DPP10: variants seen among roughly 807,000 people sequenced by gnomAD.
The protein encoded by DPP10 is inactive dipeptidyl peptidase 10.
Under a neutral mutation model 120.9 loss-of-function variants are expected in DPP10, and 33 were observed. That is an observed-to-expected ratio of 0.27 (90% CI 0.21 to 0.37). DPP10 has a LOEUF of 0.37. DPP10 is among the 10% of genes least tolerant of loss of function. DPP10 has a pLI of 1.00. For missense variants in DPP10, 816 were observed against 942.8 expected (o/e 0.87, Z 1.76); for synonymous variants, 337 against 326.1 (o/e 1.03, Z -0.36).
At chr2:115,544,084 C>T (rs1424018195) in intron 5 of DPP10, among the ~76,000 whole-genome samples, 2 of 150,986 alleles carry the variant, frequency 1.3e-5, no homozygotes, top group African/African-American at 4.9e-5. Flanking sequence ...CTCTCACATG[C>T]TTATTTTCTT....
intron 3 of DPP10, among the ~76,000 whole-genome samples, chr2:115,384,554 AAG>A (rs768259052): frequency 4.2e-5 from 3 of 70,960 alleles, no homozygotes; most frequent in Non-Finnish European, 6.8e-5. Context: ...AAGGAAGAAG[AAG>A]AGGAAGAAGA....
intron 2 of DPP10, among the ~76,000 whole-genome samples, chr2:115,342,949 A>C (rs2063522729): frequency 6.6e-6 from 1 of 152,240 alleles, no homozygotes; most frequent in African/African-American, 2.4e-5. Context: ...GAACCTTTTC[A>C]GAATAAAATC....
intron 1 of DPP10, among the ~76,000 whole-genome samples, chr2:114,921,135 C>T (rs947525896): frequency 1.3e-5 from 2 of 152,056 alleles, no homozygotes; most frequent in Non-Finnish European, 2.9e-5. Context: ...ACCAGGGCTT[C>T]GAACAAAGAA....
At chr2:114,614,825 C>A (rs902426266) in intron 1 of DPP10, among the ~76,000 whole-genome samples, 5 of 152,084 alleles carry the variant, frequency 3.3e-5, no homozygotes, top group African/African-American at 1.2e-4. Context: ...TATGAAATTC[C>A]TTAATGATAG....
At chr2:114,835,165 T>C (rs1687610714) in intron 1 of DPP10, 2 of 150,802 alleles carry the variant, frequency 1.3e-5, no homozygotes, top group East Asian at 1.9e-4. Flanking sequence ...ATAAGCCATA[T>C]CTACACACCT....
At chr2:115,496,075 A>C (rs2076381159) in intron 3 of DPP10, among the ~76,000 whole-genome samples, 1 of 152,156 alleles carries the variant, frequency 6.6e-6, no homozygotes, top group Non-Finnish European at 1.5e-5. Context: ...TCTGGTAGAT[A>C]ACTGTTAATC....
intron 1 of DPP10, among the ~76,000 whole-genome samples, chr2:114,775,292 C>A (rs1681627164): frequency 1.3e-5 from 2 of 152,140 alleles, no homozygotes; most frequent in Admixed American, 6.5e-5. Flanking sequence ...GGAGAATCTA[C>A]CTCCAGAGTG....
chr2:114,841,694 T>C lies in DPP10; in HGVS notation c.60+398856T>C, dbSNP rs115076301. 5.7e-3 allele frequency among the ~76,000 whole-genome samples: 868 copies of C among 152,166 alleles called. 7 individuals carry two copies. The highest frequency in any genetic ancestry group is 0.02 in the African/African-American group (810 of 41,538). On this transcript the variant is annotated intron_variant, in intron 1 of 25. Coordinates refer to ENST00000410059, the MANE Select transcript of DPP10 (RefSeq NM_020868.6). ...AGTTTTATGGTAGACAGATCTACCA[T>C]AAAGTTAAGAATCAAAGTGGAAACT... is the stretch of plus-strand genomic sequence containing the variant.
At chr2:114,929,267 C>G (rs1695883253) in intron 1 of DPP10, among the ~76,000 whole-genome samples, 1 of 152,112 alleles carries the variant, frequency 6.6e-6, no homozygotes, top group African/African-American at 2.4e-5. Context: ...GGTTCCACGT[C>G]CTGCTGCGCA....
chr2:115,756,422 T>C (rs1317871442), intron 11 of DPP10, among the ~76,000 whole-genome samples: 2 of 152,160 alleles, frequency 1.3e-5, no homozygotes, highest in East Asian at 3.8e-4. Flanking sequence ...TTTTTACATG[T>C]ATCAAAATAG....
chr2:115,724,435 C>G (rs1034402836), intron 7 of DPP10, among the ~76,000 whole-genome samples: 2 of 152,226 alleles, frequency 1.3e-5, no homozygotes, highest in Admixed American at 6.5e-5. Context: ...GCAACATTGA[C>G]TAACACATTG....
At chr2:115,092,407 A>G (rs2420590) in intron 1 of DPP10, among the ~76,000 whole-genome samples, 120,741 of 152,058 alleles carry the variant, frequency 0.79, 48,674 homozygotes, top group Non-Finnish European at 0.88. Context: ...TATCCAGCAT[A>G]AAATAGTGTT....
At chr2:115,304,123 G>A (rs760407948) in intron 1 of DPP10, among the ~76,000 whole-genome samples, 6 of 151,934 alleles carry the variant, frequency 3.9e-5, no homozygotes, top group Non-Finnish European at 8.8e-5. Flanking sequence ...AACACCATCA[G>A]TAAAATAAAA....
Position 115,739,765 on chromosome 2 carries a change from C to A in DPP10, c.724C>A (p.His242Asn), listed in dbSNP as rs138750698. ...GGAACTCCTGCATTCTCACATCGCCCACTGGTGGTCACCAGATGGAGAAAG... is the reference window on the plus strand; with the variant it reads ...GGAACTCCTGCATTCTCACATCGCCAACTGGTGGTCACCAGATGGAGAAAG... ...EEELLHSHIA[H>N]WWSPDGERLA... Residue 242 changes from histidine (H) to asparagine (N), a missense_variant, in exon 9 of 26, where the codon CAC becomes AAC. His to Asn is a moderately conservative substitution (Grantham distance 68). Around this residue, in one of 3 missense-constraint regions of DPP10, gnomAD observed 42 missense variants for 86.4 expected, o/e 0.49. Coordinates refer to ENST00000410059, the MANE Select transcript of DPP10 (RefSeq NM_020868.6). 24 of 1,613,436 alleles carry A rather than the reference C, an allele frequency of 1.5e-5. No homozygotes were observed. The African/African-American group carries it at 2.7e-4, about 18-fold the overall frequency.
chr2:114,668,839 G>A (rs1698125685), intron 1 of DPP10, among the ~76,000 whole-genome samples: 2 of 152,016 alleles, frequency 1.3e-5, no homozygotes, highest in Admixed American at 1.3e-4. Context: ...TCAAGCTTCA[G>A]AAGTTATGCC....
chr2:115,375,266 C>G (rs897574124), intron 3 of DPP10, among the ~76,000 whole-genome samples: 5 of 152,186 alleles, frequency 3.3e-5, no homozygotes, highest in Non-Finnish European at 7.3e-5. Flanking sequence ...TAATCTCTCT[C>G]AAGTTGAAAG....
intron 1 of DPP10, among the ~76,000 whole-genome samples, chr2:114,903,104 C>T (rs1368763995): frequency 6.6e-6 from 1 of 152,030 alleles, no homozygotes; most frequent in Non-Finnish European, 1.5e-5. Flanking sequence ...TTTACATTTT[C>T]TTCATGCCTT....
At chr2:115,677,908 C>G (rs2090388779) in intron 5 of DPP10, among the ~76,000 whole-genome samples, 1 of 152,132 alleles carries the variant, frequency 6.6e-6, no homozygotes, top group Non-Finnish European at 1.5e-5. Context: ...GCACTTAACA[C>G]CAAATAGACC....
At chr2:114,749,278 G>A (rs1031494474) in intron 1 of DPP10, among the ~76,000 whole-genome samples, 2 of 151,380 alleles carry the variant, frequency 1.3e-5, no homozygotes, top group Non-Finnish European at 1.5e-5. Context: ...AAATTTGTTT[G>A]AGTTCATTGT....
Sources: allele counts gnomAD v4.1 joint callset (sites outside exome capture counted in the v4.1 genomes callset), GRCh38; gene constraint gnomAD v4.1.1; regional missense constraint gnomAD v4.1.1; transcripts MANE v1.5; gene names NCBI Gene and HGNC (gene_info 2026-07-23, HGNC 2026-07-21).